The following PDE3A variants were observed in gnomAD, a reference collection of about 807,000 sequenced individuals.
The protein encoded by PDE3A is cGMP-inhibited 3',5'-cyclic phosphodiesterase 3A.
Under a neutral mutation model 98.3 loss-of-function variants are expected in PDE3A, and 43 were observed. The observed-to-expected ratio is 0.44, with a 90% CI of 0.34 to 0.56. The LOEUF (loss-of-function observed/expected upper bound fraction) is 0.56. Among genes scored for constraint, PDE3A ranks in the 20% least tolerant of loss-of-function variants. The probability of loss-of-function intolerance (pLI) is 0.01; values close to 1 mark genes in which losing one functional copy is unlikely to be tolerated. For missense variants in PDE3A, 1,427 were observed against 1,440.7 expected (o/e 0.99, Z 0.15); for synonymous variants, 663 against 567.9 (o/e 1.17, Z -2.38).
At chr12:20,583,854 T>C (rs1031230380) in intron 2 of PDE3A, among the ~76,000 whole-genome samples, 2 of 152,126 alleles carry the variant, frequency 1.3e-5, no homozygotes, top group Non-Finnish European at 2.9e-5. Flanking sequence ...AAATCACAAG[T>C]GATGTGAAAT....
intron 1 of PDE3A, among the ~76,000 whole-genome samples, chr12:20,395,481 C>T (rs900447046): frequency 4.1e-5 from 5 of 123,038 alleles, no homozygotes; most frequent in African/African-American, 1.6e-4. Context: ...ACTATGTATA[C>T]ACATAGTATA....
At chr12:20,431,809 G>A (rs1425976248) in intron 1 of PDE3A, among the ~76,000 whole-genome samples, 1 of 152,154 alleles carries the variant, frequency 6.6e-6, no homozygotes, top group Non-Finnish European at 1.5e-5. Context: ...TCTCAATTGT[G>A]TATAAACCTT....
intron 1 of PDE3A, among the ~76,000 whole-genome samples, chr12:20,395,702 A>C (rs1944004811): frequency 1.3e-5 from 2 of 148,302 alleles, no homozygotes; most frequent in African/African-American, 4.9e-5. Context: ...ATATATATAT[A>C]TATCTCTAGC....
intron 1 of PDE3A, among the ~76,000 whole-genome samples, chr12:20,403,551 T>C (rs1167015814): frequency 6.6e-6 from 1 of 152,176 alleles, no homozygotes; most frequent in African/African-American, 2.4e-5. Context: ...AGCAGCCTTT[T>C]CTCCATTACA....
In PDE3A at chr12:20,497,523, G is replaced by T. The variant is rs542686676; in HGVS notation, c.961-59137G>T. On this transcript the variant is annotated intron_variant, in intron 1 of 15. Transcript: ENST00000359062. ...TTAAAAAACATAGGTTCTACAAATT[G>T]TGCCCTAAAAAAAAAAACAGGATCA... 3.2e-3 allele frequency among the ~76,000 whole-genome samples: 474 copies of T among 149,330 alleles called. 6 individuals carry two copies. The highest frequency in any genetic ancestry group is 0.011 in the African/African-American group (447 of 40,658).
intron 1 of PDE3A, among the ~76,000 whole-genome samples, chr12:20,498,706 G>A (rs906693891): frequency 6.6e-6 from 1 of 151,976 alleles, no homozygotes; most frequent in Non-Finnish European, 1.5e-5. Flanking sequence ...TTTTAAAAAG[G>A]CGTTTACTTC....
At chr12:20,602,307 C>T (rs1243553304) in intron 2 of PDE3A, among the ~76,000 whole-genome samples, 4 of 152,128 alleles carry the variant, frequency 2.6e-5, no homozygotes, top group African/African-American at 7.2e-5. Context: ...CTGAAAGATG[C>T]GGGTTCTTAC....
intron 1 of PDE3A, among the ~76,000 whole-genome samples, chr12:20,473,971 A>G (rs1945484144): frequency 6.6e-6 from 1 of 152,190 alleles, no homozygotes; most frequent in Non-Finnish European, 1.5e-5. Flanking sequence ...GTGCACATGT[A>G]CAAGTATTTC....
intron 2 of PDE3A, among the ~76,000 whole-genome samples, chr12:20,610,980 A>C (rs1401862258): frequency 6.6e-6 from 1 of 151,962 alleles, no homozygotes; most frequent in Non-Finnish European, 1.5e-5. Context: ...TCTAATGTAC[A>C]TGAGGATTAC....
At chr12:20,470,779 C>T (rs1274430644) in intron 1 of PDE3A, among the ~76,000 whole-genome samples, 2 of 152,092 alleles carry the variant, frequency 1.3e-5, no homozygotes, top group East Asian at 1.9e-4. Context: ...CTTTTCCCCC[C>T]AACCCGAATT....
chr12:20,488,237 C>T (rs1945765828), intron 1 of PDE3A, among the ~76,000 whole-genome samples: 1 of 152,044 alleles, frequency 6.6e-6, no homozygotes, highest in South Asian at 2.1e-4. Flanking sequence ...CCCCTTATGC[C>T]TCCAAAATTA....
At chr12:20,678,641 T>A (rs902993915) in intron 15 of PDE3A, among the ~76,000 whole-genome samples, 2 of 152,250 alleles carry the variant, frequency 1.3e-5, no homozygotes, top group Admixed American at 6.5e-5. Context: ...TCAGCCTTGC[T>A]TTCTTCATGA....
In PDE3A at chr12:20,613,454, C is replaced by A; in HGVS notation, c.1023C>A (p.Thr341=). The A allele has an allele frequency of 6.2e-7, 1 of 1,614,056 alleles. No individual in the cohort carries two copies. The highest frequency in any genetic ancestry group is 8.5e-7 in the Non-Finnish European group (1 of 1,179,910). The stretch of plus-strand genomic sequence containing the variant: ...GGTTTGTGTCTCAGTCTTCAGGAAC[C>A]AGTATTACTGTGGACATCGCCGTCA... The part of the protein sequence containing the change: ...RGPRGSQSSG[T]SITVDIAVMG... The change falls in exon 3 of 16, where the codon ACC becomes ACA. Residue 341 remains threonine, a synonymous_variant. Transcript: ENST00000359062.
chr12:20,622,189 T>G (rs11608844), intron 5 of PDE3A, among the ~76,000 whole-genome samples: 1 of 151,998 alleles, frequency 6.6e-6, no homozygotes, highest in Non-Finnish European at 1.5e-5. Context: ...ATTCAAGTTC[T>G]GGCTTCCATG....
intron 2 of PDE3A, among the ~76,000 whole-genome samples, chr12:20,598,380 C>T (rs1475056994): frequency 6.6e-6 from 1 of 151,990 alleles, no homozygotes; most frequent in African/African-American, 2.4e-5. Context: ...GATGGGGTTT[C>T]ACCATGTTTG....
At chr12:20,370,411 T>TTG in intron 1 of PDE3A, 167 bp downstream of exon 1, 1 of 422,302 alleles carries the variant, frequency 2.4e-6, no homozygotes, top group East Asian at 3.7e-5. Flanking sequence ...TTTTTTTTGT[T>TTG]TTTTTTTTTT....
At chr12:20,443,815 A>G (rs964596918) in intron 1 of PDE3A, among the ~76,000 whole-genome samples, 1 of 152,180 alleles carries the variant, frequency 6.6e-6, no homozygotes, top group African/African-American at 2.4e-5. Context: ...ATGGAACATC[A>G]TTACTCTGCC....
At chr12:20,456,450 C>A (rs1046695990) in intron 1 of PDE3A, among the ~76,000 whole-genome samples, 14 of 152,002 alleles carry the variant, frequency 9.2e-5, no homozygotes, top group African/African-American at 3.4e-4. Context: ...AAATTGTATG[C>A]CCCAAATATT....
At chr12:20,567,751 A>G (rs1048440180) in intron 2 of PDE3A, among the ~76,000 whole-genome samples, 7 of 151,928 alleles carry the variant, frequency 4.6e-5, no homozygotes, top group African/African-American at 1.4e-4. Flanking sequence ...ATGACACATG[A>G]TATGACCAGG....
Sources: gnomAD v4.1 joint callset for allele counts (sites outside exome capture counted in the v4.1 genomes callset) on GRCh38, gnomAD v4.1.1 for gene constraint, MANE v1.5 for transcripts, NCBI Gene and HGNC (gene_info 2026-07-23, HGNC 2026-07-21) for gene names.